The following FGF14 variants were observed in gnomAD, a reference collection of about 807,000 sequenced individuals.
The protein encoded by FGF14 is fibroblast growth factor 14.
FGF14 carries 5 observed loss-of-function variants against 25.5 expected under a neutral mutation model. The observed-to-expected ratio is 0.20, with a 90% confidence interval of 0.10 to 0.41. FGF14 has a LOEUF of 0.41. Ranked by LOEUF, FGF14 falls within the 10% of genes least tolerant of loss-of-function variation. The pLI, the probability that FGF14 is intolerant of heterozygous loss-of-function variation, is 1.00. For synonymous variants in FGF14, 138 were observed against 118.3 expected (o/e 1.17, Z -1.08); for missense variants, 222 against 320.1 (o/e 0.69, Z 2.34).
Position 101,721,305 on chromosome 13 carries a change from T to A in FGF14, c.*1526A>T, listed in dbSNP as rs947198015. 2 of 152,170 alleles carry A rather than the reference T, an allele frequency of 1.3e-5. No homozygotes were observed. Among genetic ancestry groups the A allele is most frequent in the South Asian group, 2.1e-4 (1 of 4,828 alleles). The allele number at this position is 152,170 out of a possible 1,614,324, so 9.4% of individuals were successfully genotyped here. ...GAATCTTCATTGTGTAGTCAACTGT[T>A]CCTGGCCTTTCTTGGTAGTTGTCTT... On this transcript the variant is annotated 3_prime_UTR_variant, in exon 5 of 5. Transcript: ENST00000376143.
intron 1 of FGF14, among the ~76,000 whole-genome samples, chr13:102,082,375 A>T (rs1566661362): frequency 6.6e-6 from 1 of 152,210 alleles, no homozygotes; most frequent in Non-Finnish European, 1.5e-5. Context: ...GAAAGCAGTG[A>T]TAACATAATA....
chr13:101,726,330 A>C (rs1162279370), intron 4 of FGF14, among the ~76,000 whole-genome samples: 3 of 152,040 alleles, frequency 2.0e-5, no homozygotes, highest in Non-Finnish European at 4.4e-5. Context: ...TAAATTATCT[A>C]AGGGTTAGAG....
At chr13:102,087,407 C>CTTTTTTTTTTTTTT (rs71125043) in intron 1 of FGF14, among the ~76,000 whole-genome samples, 1 of 84,444 alleles carries the variant, frequency 1.2e-5, no homozygotes, top group Non-Finnish European at 2.2e-5. Context: ...ACTGTAATTT[C>CTTTTTTTTTTTTTT]TTTTTTTTTT....
At chr13:101,980,723 A>G (rs1192561222) in intron 1 of FGF14, among the ~76,000 whole-genome samples, 2 of 152,214 alleles carry the variant, frequency 1.3e-5, no homozygotes, top group African/African-American at 4.8e-5. Flanking sequence ...TTAACACATT[A>G]AAGCATAACC....
intron 1 of FGF14, among the ~76,000 whole-genome samples, chr13:102,326,221 A>T (rs2056419519): frequency 6.6e-6 from 1 of 152,236 alleles, no homozygotes; most frequent in African/African-American, 2.4e-5. Flanking sequence ...AAAATGCAAT[A>T]AATTTCTTGA....
intron 1 of FGF14, among the ~76,000 whole-genome samples, chr13:102,234,856 T>C (rs922265750): frequency 1.3e-5 from 2 of 152,206 alleles, no homozygotes; most frequent in Non-Finnish European, 2.9e-5. Context: ...TTTCTGTGTA[T>C]GGAGAAGCCA....
intron 1 of FGF14, among the ~76,000 whole-genome samples, chr13:102,287,689 A>G (rs1267862730): frequency 1.3e-5 from 2 of 152,228 alleles, no homozygotes; most frequent in African/African-American, 4.8e-5. Context: ...AAAATATATC[A>G]CATGAAATTT....
chr13:102,193,740 C>CA (rs1242149137), intron 1 of FGF14, among the ~76,000 whole-genome samples: 3 of 152,080 alleles, frequency 2.0e-5, no homozygotes, highest in Non-Finnish European at 4.4e-5. Flanking sequence ...CAAAGAACAA[C>CA]AATAACAAAC....
chr13:102,093,038 C>T (rs2044236526), intron 1 of FGF14, among the ~76,000 whole-genome samples: 1 of 152,006 alleles, frequency 6.6e-6, no homozygotes, highest in Non-Finnish European at 1.5e-5. Context: ...TTGGTGTGGA[C>T]ACATATATAT....
At chr13:101,748,536 A>G (rs1316156805) in intron 3 of FGF14, among the ~76,000 whole-genome samples, 1 of 151,744 alleles carries the variant, frequency 6.6e-6, no homozygotes, top group African/African-American at 2.4e-5. Flanking sequence ...GGTACAACGT[A>G]CACTAAAAGC....
chr13:102,032,921 G>T (rs2041282647), intron 1 of FGF14, among the ~76,000 whole-genome samples: 1 of 152,198 alleles, frequency 6.6e-6, no homozygotes, highest in South Asian at 2.1e-4. Context: ...TACCTGAGAA[G>T]GAACAATGAC....
At chr13:102,054,506 G>A (rs549693491) in intron 1 of FGF14, among the ~76,000 whole-genome samples, 51 of 152,276 alleles carry the variant, frequency 3.3e-4, no homozygotes, top group East Asian at 9.7e-4. Flanking sequence ...GAAAGAGTCC[G>A]TTTTCTTAAC....
At chr13:102,216,241 A>T (rs1195073079) in intron 1 of FGF14, among the ~76,000 whole-genome samples, 4 of 152,154 alleles carry the variant, frequency 2.6e-5, no homozygotes, top group Admixed American at 6.5e-5. Context: ...ATAACACAGG[A>T]TGAGGTTTGG....
chr13:102,166,312 T>C (rs1296414527), intron 1 of FGF14, among the ~76,000 whole-genome samples: 1 of 152,090 alleles, frequency 6.6e-6, no homozygotes, highest in East Asian at 1.9e-4. Context: ...AATTTATAAA[T>C]TTCGTAAAGT....
At position 101,991,062 on chromosome 13, in the gene FGF14, C is replaced by A. The variant is rs573124707; in HGVS notation, c.209-115766G>T. Among the ~76,000 whole-genome samples the A allele has an allele frequency of 4.6e-5, 7 of 152,174 alleles. No individual in the cohort carries two copies. The East Asian group carries it at 1.2e-3, about 25-fold the overall frequency. The stretch of plus-strand genomic sequence containing the variant: ...GGAGCACAATACTTCTTTAACCCTG[C>A]AGTTGAAAAACTTGTTTTGTATCTT... On this transcript the variant is annotated intron_variant, in intron 1 of 4. Transcript: ENST00000376131.
chr13:101,728,046 CTTTATGCTAA>C (rs1319918061), intron 3 of FGF14, among the ~76,000 whole-genome samples: 1 of 152,086 alleles, frequency 6.6e-6, no homozygotes, highest in South Asian at 2.1e-4. Flanking sequence ...AAGGGCTTGA[CTTTATGCTAA>C]CTGTAATTAG....
intron 1 of FGF14, among the ~76,000 whole-genome samples, chr13:102,161,570 A>AAGAAGAAAG: frequency 1.8e-4 from 1 of 5,652 alleles, no homozygotes; most frequent in Non-Finnish European, 2.4e-4. Context: ...TTCTGTGAAG[A>AAGAAGAAAG]AAGAAAGAAG....
intron 1 of FGF14, among the ~76,000 whole-genome samples, chr13:102,180,236 AT>A (rs1206509141): frequency 6.6e-6 from 1 of 152,150 alleles, no homozygotes; most frequent in African/African-American, 2.4e-5. Context: ...CATTAGGACT[AT>A]TTACTGTCAT....
intron 1 of FGF14, among the ~76,000 whole-genome samples, chr13:101,934,982 T>C (rs530549527): frequency 7.7e-4 from 118 of 152,324 alleles, no homozygotes; most frequent in African/African-American, 2.7e-3. Context: ...ATTGTACATA[T>C]TGTATTGGCT....
Sources: gnomAD v4.1 joint callset for allele counts (sites outside exome capture counted in the v4.1 genomes callset) on GRCh38, gnomAD v4.1.1 for gene constraint, MANE v1.5 for transcripts, NCBI Gene and HGNC (gene_info 2026-07-23, HGNC 2026-07-21) for gene names.